FAF1: variants seen among roughly 807,000 people sequenced by gnomAD.
FAF1 encodes Fas associated factor 1, also known as FAS-associated factor 1.
In FAF1, 25 loss-of-function variants were observed where a neutral mutation model predicts 92.5. That is an observed-to-expected ratio of 0.27 (90% CI 0.20 to 0.38). The LOEUF is 0.38. Among genes scored for constraint, FAF1 ranks in the 10% least tolerant of loss-of-function variants. The pLI, the probability that FAF1 is intolerant of heterozygous loss-of-function variation, is 1.00. For synonymous variants in FAF1, 234 were observed against 273.2 expected (o/e 0.86, Z 1.42); for missense variants, 636 against 793.3 (o/e 0.80, Z 2.38).
At chr1:50,854,289 C>G (rs1420045362) in intron 2 of FAF1, among the ~76,000 whole-genome samples, 1 of 151,914 alleles carries the variant, frequency 6.6e-6, no homozygotes, top group African/African-American at 2.4e-5. Flanking sequence ...AAAAGACAGC[C>G]CTTTGGTAAA....
intron 1 of FAF1, among the ~76,000 whole-genome samples, chr1:50,950,420 C>T (rs575052839): frequency 6.6e-6 from 1 of 152,212 alleles, no homozygotes; most frequent in East Asian, 1.9e-4. Flanking sequence ...AATGCCCAGA[C>T]AGTAAATATT....
rs185546043 is a variant in FAF1, at chr1:50,959,166, T to C, written c.45+601A>G. ...ATAGGTAATTTATTAAGCTTGTGAA[T>C]TCATTGCAGAGATACTCTGGAATAT... On this transcript the variant is annotated intron_variant, in intron 1 of 18. Transcript: ENST00000396153. Among the ~76,000 whole-genome samples the C allele has an allele frequency of 7.1e-3, 1,083 of 152,316 alleles. 8 individuals are homozygous for C. The highest frequency in any genetic ancestry group is 0.012 in the Non-Finnish European group (814 of 68,020).
intron 4 of FAF1, among the ~76,000 whole-genome samples, chr1:50,759,342 C>T (rs1660223292): frequency 7.0e-6 from 1 of 142,212 alleles, no homozygotes; most frequent in African/African-American, 2.6e-5. Context: ...TGATGTTCCC[C>T]TTCCTGTGTC....
chr1:50,656,934 GGC>G lies in FAF1; in HGVS notation c.658-1408_658-1407del, dbSNP rs1351448898. Among the ~76,000 whole-genome samples the G allele has an allele frequency of 2.6e-5, 4 of 152,148 alleles. No homozygotes were observed. In the South Asian group the frequency reaches 6.2e-4, roughly 24 times the overall value. ...AAATAAAATAAAAGAAGTGTTACTG[GGC>G]GTGGTGGTTCACATCTGTAATCCCA... On this transcript the variant is annotated intron_variant, in intron 7 of 18. Transcript: ENST00000396153.
At chr1:50,816,816 C>T (rs1314758147) in intron 2 of FAF1, among the ~76,000 whole-genome samples, 1 of 152,032 alleles carries the variant, frequency 6.6e-6, no homozygotes, top group Non-Finnish European at 1.5e-5. Flanking sequence ...AGTTTGGGGT[C>T]TTACATTTAA....
chr1:50,622,968 C>CT (rs1228714036), intron 8 of FAF1, among the ~76,000 whole-genome samples: 2 of 152,234 alleles, frequency 1.3e-5, no homozygotes, highest in African/African-American at 4.8e-5. Flanking sequence ...CCCTCATTAT[C>CT]TTGCACTTGG....
chr1:50,678,776 CAAAAAAAAAAAA>C (rs58946586), intron 7 of FAF1, among the ~76,000 whole-genome samples: 206 of 13,930 alleles, frequency 0.015, 2 homozygotes, highest in African/African-American at 0.034. Context: ...GACTCCATCT[CAAAAAAAAAAAA>C]AAAAAAAAAA....
At chr1:50,944,205 G>C (rs746957012) in intron 1 of FAF1, among the ~76,000 whole-genome samples, 14 of 152,186 alleles carry the variant, frequency 9.2e-5, no homozygotes, top group Non-Finnish European at 1.9e-4. Context: ...CTCCCAGTAA[G>C]TTTACAGGGA....
chr1:50,782,068 A>G (rs1278552095), intron 4 of FAF1, among the ~76,000 whole-genome samples: 1 of 152,246 alleles, frequency 6.6e-6, no homozygotes, highest in Non-Finnish European at 1.5e-5. Context: ...AAAGTATAGC[A>G]CATAGAATCG....
chr1:50,708,780 A>C (rs1657796594), intron 6 of FAF1, among the ~76,000 whole-genome samples: 1 of 152,168 alleles, frequency 6.6e-6, no homozygotes, highest in South Asian at 2.1e-4. Context: ...AGAAAAATCA[A>C]GAAAGTCTAG....
chr1:50,774,053 C>T (rs12132842), intron 4 of FAF1, among the ~76,000 whole-genome samples: 285 of 152,236 alleles, frequency 1.9e-3, no homozygotes, highest in Admixed American at 5.2e-3. Context: ...CTTTATTCAG[C>T]TTTTAAAATG....
intron 13 of FAF1, among the ~76,000 whole-genome samples, chr1:50,561,829 A>AG (rs1649917644): frequency 7.0e-6 from 1 of 142,664 alleles, no homozygotes; most frequent in African/African-American, 2.6e-5. Context: ...CATCTAGGAC[A>AG]GACGGATGGA....
At chr1:50,844,042 C>A (rs1344573134) in intron 2 of FAF1, among the ~76,000 whole-genome samples, 1 of 152,092 alleles carries the variant, frequency 6.6e-6, no homozygotes, top group Non-Finnish European at 1.5e-5. Flanking sequence ...CAGCATTTGT[C>A]ATTTTCTGTC....
intron 7 of FAF1, among the ~76,000 whole-genome samples, chr1:50,683,954 T>C (rs1399117307): frequency 2.6e-5 from 4 of 152,058 alleles, no homozygotes; most frequent in Non-Finnish European, 4.4e-5. Context: ...AAAGTAATAT[T>C]TTAAGGCCTC....
intron 1 of FAF1, among the ~76,000 whole-genome samples, chr1:50,955,327 C>CT (rs2124767329): frequency 6.6e-6 from 1 of 152,296 alleles, no homozygotes; most frequent in African/African-American, 2.4e-5. Context: ...ATGCTGCCTG[C>CT]TTTTTTAAAC....
chr1:50,859,774 G>C (rs1644418020), intron 1 of FAF1, among the ~76,000 whole-genome samples: 1 of 151,872 alleles, frequency 6.6e-6, no homozygotes, highest in African/African-American at 2.4e-5. Context: ...AATCAAAAAA[G>C]AGCCCAAATA....
intron 13 of FAF1, among the ~76,000 whole-genome samples, chr1:50,555,171 C>G (rs1649509031): frequency 6.6e-6 from 1 of 151,714 alleles, no homozygotes. Context: ...TGCAGTGAGT[C>G]AAGATCGTGC....
At chr1:50,901,469 G>A (rs1156898086) in intron 1 of FAF1, among the ~76,000 whole-genome samples, 1 of 152,042 alleles carries the variant, frequency 6.6e-6, no homozygotes, top group Non-Finnish European at 1.5e-5. Flanking sequence ...GCCAAGGTGG[G>A]AAGATTGCTT....
At chr1:50,828,951 A>G (rs1463664314) in intron 2 of FAF1, among the ~76,000 whole-genome samples, 1 of 152,212 alleles carries the variant, frequency 6.6e-6, no homozygotes, top group African/African-American at 2.4e-5. Flanking sequence ...TTGTAAATCA[A>G]CAGGAAAAAG....
Sources: gnomAD v4.1 joint callset for allele counts (sites outside exome capture counted in the v4.1 genomes callset) on GRCh38, gnomAD v4.1.1 for gene constraint, MANE v1.5 for transcripts, NCBI Gene and HGNC (gene_info 2026-07-23, HGNC 2026-07-21) for gene names.